VPS53: variants seen among roughly 807,000 people sequenced by gnomAD.
VPS53 encodes the protein VPS53 subunit of GARP complex, also known as vacuolar protein sorting-associated protein 53 homolog.
Under a neutral mutation model 107.0 loss-of-function variants are expected in VPS53, and 70 were observed. The observed-to-expected ratio is 0.65, with a 90% CI of 0.54 to 0.80. VPS53 has a LOEUF of 0.80. VPS53 is among the 30% of genes least tolerant of loss of function. The pLI is 0.00. For synonymous variants in VPS53, 409 were observed against 393.3 expected (o/e 1.04, Z -0.47); for missense variants, 917 against 1,049.4 (o/e 0.87, Z 1.74).
At chr17:565,403 C>CAAAAAAAAAAAAAAAAA (rs535932031) in intron 13 of VPS53, among the ~76,000 whole-genome samples, 4 of 82,534 alleles carry the variant, frequency 4.8e-5, no homozygotes, top group African/African-American at 4.7e-5. Flanking sequence ...AACCCCATCT[C>CAAAAAAAAAAAAAAAAA]AAAAAAAAAA....
rs184302861 is a variant in VPS53, at chr17:628,372, G to T, written c.688-141C>A. 8.8e-6 allele frequency: 9 copies of T among 1,023,426 alleles called. No homozygotes were observed. The Admixed American group carries it at 9.7e-5, about 11-fold the overall frequency. The allele number at this position is 1,023,426 out of a possible 1,614,324, so 63.4% of individuals were successfully genotyped here. On this transcript the variant is annotated intron_variant, in intron 8 of 21. Transcript: ENST00000437048. Reference sequence around the variant, plus strand: ...ACACTCATTCTTTCTGCTGTGGCTGGATCTGTCAGTTACCTGCTGCTCCTC... The same window carrying T: ...ACACTCATTCTTTCTGCTGTGGCTGTATCTGTCAGTTACCTGCTGCTCCTC...
intron 12 of VPS53, among the ~76,000 whole-genome samples, chr17:600,703 T>G (rs1968288586): frequency 6.6e-6 from 1 of 152,258 alleles, no homozygotes; most frequent in South Asian, 2.1e-4. Flanking sequence ...TTTCTGACAT[T>G]GAGACCTGGC....
Position 562,520 on chromosome 17 carries a change from G to T in VPS53, c.1539C>A (p.Leu513=). 1 of 1,614,122 alleles carries T rather than the reference G, an allele frequency of 6.2e-7. No homozygotes were observed. The highest frequency in any genetic ancestry group is 8.5e-7 in the Non-Finnish European group (1 of 1,180,040). ...GGACTCACTTGGGCAGGTTGCCAGAGAGGATTTTCCAGGCGTATTCTCGGA... is the reference window on the plus strand; with the variant it reads ...GGACTCACTTGGGCAGGTTGCCAGATAGGATTTTCCAGGCGTATTCTCGGA... ...KYLREYAWKI[L]SGNLPKTTTS... Residue 513 remains leucine, a synonymous_variant, in exon 14 of 22, where the codon CTC becomes CTA. Transcript: ENST00000437048.
chr17:681,726 C>A (rs2143792780), intron 4 of VPS53, among the ~76,000 whole-genome samples: 1 of 152,282 alleles, frequency 6.6e-6, no homozygotes, highest in South Asian at 2.1e-4. Flanking sequence ...TGTTAACAGT[C>A]CTGGAAGCTG....
intron 17 of VPS53, among the ~76,000 whole-genome samples, chr17:550,249 T>C (rs1911702932): frequency 6.6e-6 from 1 of 152,200 alleles, no homozygotes; most frequent in South Asian, 2.1e-4. Context: ...GAGTTAGGTC[T>C]GTCTGACTCT....
At chr17:567,803 C>T (rs1442119262) in intron 13 of VPS53, among the ~76,000 whole-genome samples, 1 of 150,270 alleles carries the variant, frequency 6.7e-6, no homozygotes, top group Non-Finnish European at 1.5e-5. Flanking sequence ...GGAGGACGAT[C>T]ATTTGAGCCC....
chr17:518,901 C>T lies in VPS53; in HGVS notation c.*227G>A, dbSNP rs1432771531. On this transcript the variant is annotated 3_prime_UTR_variant, in exon 22 of 22. Transcript: ENST00000437048. ...TCCACTGCTGCCTCTGCTTCACGAA[C>T]CAGAGATCACCTAAATCGCCCTCTT... The T allele has an allele frequency of 6.7e-6, 3 of 445,842 alleles. No homozygotes were observed. The East Asian group carries it at 1.1e-4, about 16-fold the overall frequency. 27.6% of individuals were successfully genotyped at this position (445,842 alleles called of 1,614,324 possible). A position where few individuals can be genotyped will look rare whatever the true frequency, so the allele number is the denominator to read the frequency against.
intron 7 of VPS53, among the ~76,000 whole-genome samples, chr17:639,766 G>A (rs1262075451): frequency 4.6e-5 from 7 of 152,060 alleles, no homozygotes; most frequent in South Asian, 2.1e-4. Flanking sequence ...GCCTGACTTC[G>A]TCTCAGAGGG....
intron 11 of VPS53, among the ~76,000 whole-genome samples, chr17:604,160 T>C (rs929328498): frequency 1.3e-5 from 2 of 152,206 alleles, no homozygotes; most frequent in Non-Finnish European, 2.9e-5. Context: ...GCCTCGTTTT[T>C]AAAACATAAT....
At position 654,965 on chromosome 17, in the gene VPS53, C is replaced by T. The variant is rs181497589; in HGVS notation, c.488+873G>A. On this transcript the variant is annotated intron_variant, in intron 6 of 21. Coordinates refer to ENST00000437048, the MANE Select transcript of VPS53 (RefSeq NM_001128159.3). ...CTCTCACTGCTCACAGGAGAGTGGA[C>T]CAGGCATCCCTGGAGCTCATCCAAT... 9.5e-4 allele frequency among the ~76,000 whole-genome samples: 145 copies of T among 152,266 alleles called. 2 individuals carry two copies. The highest frequency in any genetic ancestry group is 3.4e-3 in the African/African-American group (142 of 41,548).
At chr17:645,280 G>C (rs1970641301) in intron 7 of VPS53, among the ~76,000 whole-genome samples, 1 of 152,140 alleles carries the variant, frequency 6.6e-6, no homozygotes. Flanking sequence ...ATCTTTTCAT[G>C]TTTATTGGCC....
Position 627,051 on chromosome 17 carries a change from T to TA in VPS53, c.974+122dup, listed in dbSNP as rs371401777. On this transcript the variant is annotated intron_variant, in intron 10 of 21. Coordinates refer to ENST00000437048, the MANE Select transcript of VPS53 (RefSeq NM_001128159.3). ...CCACTGTGGGGTACGAGGATGATAT[T>TA]AGTCATCTGGTGGGGTCTGGAAGTG... The TA allele has an allele frequency of 1.5e-5, 19 of 1,290,886 alleles. No homozygotes were observed. In the African/African-American group the frequency reaches 2.4e-4, roughly 16 times the overall value. 80.0% of individuals were successfully genotyped at this position (1,290,886 alleles called of 1,614,324 possible).
At chr17:667,807 G>A (rs776440786) in intron 4 of VPS53, among the ~76,000 whole-genome samples, 4 of 152,236 alleles carry the variant, frequency 2.6e-5, no homozygotes, top group African/African-American at 7.2e-5. Flanking sequence ...GGAGGTGAGC[G>A]GTGGGCAAGT....
intron 9 of VPS53, among the ~76,000 whole-genome samples, chr17:627,619 T>G (rs1283426990): frequency 6.6e-6 from 1 of 151,896 alleles, no homozygotes; most frequent in Non-Finnish European, 1.5e-5. Context: ...TACTAAAAAA[T>G]ACAAAAATTA....
At chr17:656,299 G>A (rs8068768) in intron 5 of VPS53, among the ~76,000 whole-genome samples, 264 of 152,306 alleles carry the variant, frequency 1.7e-3, no homozygotes, top group African/African-American at 6.1e-3. Context: ...TGAGGAAAGT[G>A]TGCCTTCTGG....
At chr17:689,294 C>T (rs1455805622) in intron 4 of VPS53, among the ~76,000 whole-genome samples, 2 of 151,932 alleles carry the variant, frequency 1.3e-5, no homozygotes, top group Non-Finnish European at 2.9e-5. Flanking sequence ...GGAAGTCAGT[C>T]TTGGAGAGCA....
At chr17:533,053 T>G (rs1192798424) in intron 18 of VPS53, 142 bp from the exon 19 acceptor site, 19 of 1,394,310 alleles carry the variant, frequency 1.4e-5, no homozygotes, top group Non-Finnish European at 1.7e-5. Flanking sequence ...CCCATTATCT[T>G]ATTTTTCTTC....
chr17:553,573 A>AATT, intron 15 of VPS53, 111 bp from the exon 16 acceptor site: 2 of 746,720 alleles, frequency 2.7e-6, no homozygotes, highest in Non-Finnish European at 4.0e-6. Context: ...AATTCCATAC[A>AATT]CTTTTTTTTT....
Position 692,712 on chromosome 17 carries a change from A to G in VPS53, c.285+4706T>C, listed in dbSNP as rs73283523. Among the ~76,000 whole-genome samples the G allele has an allele frequency of 9.9e-3, 1,508 of 152,346 alleles. 25 individuals are homozygous for G. The highest frequency in any genetic ancestry group is 0.034 in the African/African-American group (1,410 of 41,588). ...CTTTCCCCTTATTTACAGATATAGA[A>G]GCACACCTAGCCGGGTGCGGTGGCT... On this transcript the variant is annotated intron_variant, in intron 4 of 21. Transcript: ENST00000437048.
Sources: allele counts gnomAD v4.1 joint callset (sites outside exome capture counted in the v4.1 genomes callset), GRCh38; gene constraint gnomAD v4.1.1; transcripts MANE v1.5; gene names NCBI Gene and HGNC (gene_info 2026-07-23, HGNC 2026-07-21).